Variants in PARD3 observed in about 807,000 individuals in gnomAD.
The protein encoded by PARD3 is par-3 family cell polarity regulator, also known as partitioning defective 3 homolog.
In PARD3, 75 loss-of-function variants were observed where a neutral mutation model predicts 155.4. The ratio of observed to expected loss-of-function variants is 0.48; its 90% confidence interval spans 0.40 to 0.58. PARD3 has a LOEUF of 0.58. Ranked by LOEUF, PARD3 falls within the 20% of genes least tolerant of loss-of-function variation. The pLI, the probability that PARD3 is intolerant of heterozygous loss-of-function variation, is 0.00. For missense variants in PARD3, 1,642 were observed against 1,721.7 expected (o/e 0.95, Z 0.82); for synonymous variants, 576 against 610.5 (o/e 0.94, Z 0.83).
Position 34,751,746 on chromosome 10 carries a change from T to C in PARD3, c.121-55327A>G, listed in dbSNP as rs1352489723. ...AGCCCCTCAAGTAGCTGGGACCACATGTGTATGTCACCATGCCTGTCTAGC... is the reference window on the plus strand; with the variant it reads ...AGCCCCTCAAGTAGCTGGGACCACACGTGTATGTCACCATGCCTGTCTAGC... On this transcript the variant is annotated intron_variant, in intron 1 of 24. Coordinates refer to ENST00000374788, the MANE Select transcript of PARD3 (RefSeq NM_001184785.2). Among the ~76,000 whole-genome samples the C allele has an allele frequency of 2.6e-5, 4 of 151,080 alleles. No individual in the cohort carries two copies. The East Asian group carries it at 5.9e-4, about 22-fold the overall frequency.
rs550391687 is a variant in PARD3 at position 34,283,951 on chromosome 10, T to C, written c.3176+184A>G. On this transcript the variant is annotated intron_variant, in intron 21 of 24. Transcript: ENST00000374788. ...TCCACTTTGATGTCACAAATACATA[T>C]AAGGTTTTTTTTTTTAAATCTCTCT... 2.6e-4 allele frequency among the ~76,000 whole-genome samples: 40 copies of C among 151,512 alleles called. No individual in the cohort carries two copies. The South Asian group carries it at 7.9e-3, about 30-fold the overall frequency.
At chr10:34,209,601 G>A (rs1221979539) in intron 22 of PARD3, among the ~76,000 whole-genome samples, 4 of 152,122 alleles carry the variant, frequency 2.6e-5, no homozygotes, top group African/African-American at 4.8e-5. Flanking sequence ...GCAAAGAAAC[G>A]GGTCAGAGAG....
intron 2 of PARD3, among the ~76,000 whole-genome samples, chr10:34,683,362 C>G (rs1198931051): frequency 6.6e-6 from 1 of 151,864 alleles, no homozygotes. Context: ...TGTAATATAA[C>G]TACACATGTA....
chr10:34,436,461 T>C (rs1197406531), intron 5 of PARD3, among the ~76,000 whole-genome samples: 4 of 152,232 alleles, frequency 2.6e-5, no homozygotes, highest in Admixed American at 2.0e-4. Context: ...TGTGAGGTGA[T>C]AGAGTGAACA....
chr10:34,458,310 C>T (rs1032510970), intron 4 of PARD3, among the ~76,000 whole-genome samples: 2 of 152,126 alleles, frequency 1.3e-5, no homozygotes, highest in African/African-American at 4.8e-5. Flanking sequence ...TCAAGTGATC[C>T]TCCCACCTCA....
chr10:34,696,995 G>GACACAC (rs35717875), intron 1 of PARD3, among the ~76,000 whole-genome samples: 33 of 143,974 alleles, frequency 2.3e-4, no homozygotes, highest in African/African-American at 5.1e-4. Context: ...GAGACAAAAT[G>GACACAC]ACACACACAC....
intron 2 of PARD3, among the ~76,000 whole-genome samples, chr10:34,602,660 C>G (rs1273945943): frequency 2.0e-5 from 3 of 152,164 alleles, no homozygotes; most frequent in Non-Finnish European, 4.4e-5. Context: ...AGAAAAGCAG[C>G]CAGCAATGAG....
intron 21 of PARD3, among the ~76,000 whole-genome samples, chr10:34,282,470 T>C (rs1956205113): frequency 6.6e-6 from 1 of 152,170 alleles, no homozygotes; most frequent in Non-Finnish European, 1.5e-5. Flanking sequence ...TAAAAATCAT[T>C]GTTTGGCTGG....
chr10:34,796,703 G>A (rs900544803), intron 1 of PARD3, among the ~76,000 whole-genome samples: 1 of 152,220 alleles, frequency 6.6e-6, no homozygotes, highest in Non-Finnish European at 1.5e-5. Context: ...ATTATTTCCT[G>A]GCCAGATGTA....
chr10:34,721,320 C>G (rs904493658), intron 1 of PARD3, among the ~76,000 whole-genome samples: 3 of 152,198 alleles, frequency 2.0e-5, no homozygotes, highest in African/African-American at 7.2e-5. Context: ...GTACCTCCAT[C>G]CTGTCTTTGA....
chr10:34,126,174 A>T (rs1274670859), intron 23 of PARD3, among the ~76,000 whole-genome samples: 1 of 152,052 alleles, frequency 6.6e-6, no homozygotes. Context: ...TCAATTATGG[A>T]GCTAAGGAAA....
At chr10:34,505,924 G>A (rs1176693928) in intron 3 of PARD3, among the ~76,000 whole-genome samples, 2 of 152,102 alleles carry the variant, frequency 1.3e-5, no homozygotes, top group African/African-American at 4.8e-5. Context: ...TCAGGAGTTC[G>A]AGGCCAGCCT....
intron 1 of PARD3, among the ~76,000 whole-genome samples, chr10:34,795,516 G>T (rs958091259): frequency 6.6e-6 from 1 of 151,990 alleles, no homozygotes; most frequent in South Asian, 2.1e-4. Context: ...AGGCTGAGAG[G>T]TGGGAGAATC....
At chr10:34,318,272 C>A (rs1308498435) in intron 19 of PARD3, among the ~76,000 whole-genome samples, 1 of 152,176 alleles carries the variant, frequency 6.6e-6, no homozygotes, top group Non-Finnish European at 1.5e-5. Context: ...GTATGAACAT[C>A]CACTCTCAGA....
chr10:34,537,911 A>C (rs1041591153), intron 2 of PARD3, among the ~76,000 whole-genome samples: 1 of 152,232 alleles, frequency 6.6e-6, no homozygotes, highest in Non-Finnish European at 1.5e-5. Flanking sequence ...TGGAAAGAGA[A>C]GGTTATTTAT....
At chr10:34,130,701 A>G (rs1947560024) in intron 23 of PARD3, among the ~76,000 whole-genome samples, 1 of 152,168 alleles carries the variant, frequency 6.6e-6, no homozygotes, top group Non-Finnish European at 1.5e-5. Flanking sequence ...GGTGGCTATG[A>G]GGGGGATGAA....
chr10:34,429,139 T>G (rs2075770602), intron 5 of PARD3, among the ~76,000 whole-genome samples: 1 of 152,086 alleles, frequency 6.6e-6, no homozygotes, highest in South Asian at 2.1e-4. Context: ...AGTGCAGAAC[T>G]TGAAAAAGAC....
chr10:34,756,150 CTTTTT>C (rs58993670), intron 1 of PARD3, among the ~76,000 whole-genome samples: 2 of 94,544 alleles, frequency 2.1e-5, no homozygotes, highest in East Asian at 3.6e-4. Context: ...AAAAATGCAC[CTTTTT>C]TTTTTTTTTT....
At chr10:34,516,684 A>G (rs1387798438) in intron 3 of PARD3, among the ~76,000 whole-genome samples, 1 of 152,256 alleles carries the variant, frequency 6.6e-6, no homozygotes, top group Admixed American at 6.5e-5. Flanking sequence ...TACTTGTTCT[A>G]GCATTCAGAT....
Sources: gnomAD v4.1 joint callset for allele counts (sites outside exome capture counted in the v4.1 genomes callset) on GRCh38, gnomAD v4.1.1 for gene constraint, MANE v1.5 for transcripts, NCBI Gene and HGNC (gene_info 2026-07-23, HGNC 2026-07-21) for gene names.